Variants in ARB2A observed in about 807,000 individuals in gnomAD.
ARB2A encodes ARB2 cotranscriptional regulator A.
At chr5:93,911,327 C>T in the ARB2A span, among the ~76,000 whole-genome samples, 2 of 151,500 alleles carry the variant, frequency 1.3e-5, no homozygotes, top group African/African-American at 4.8e-5. Context: ...AGTAATATAT[C>T]GGAATACATT....
chr5:94,047,265 G>A, the ARB2A span, among the ~76,000 whole-genome samples: 1 of 152,186 alleles, frequency 6.6e-6, no homozygotes, highest in Non-Finnish European at 1.5e-5. Flanking sequence ...GCCAAGGTGG[G>A]CAGATCACCT....
At chr5:94,090,647 T>C in the ARB2A span, among the ~76,000 whole-genome samples, 24 of 152,224 alleles carry the variant, frequency 1.6e-4, no homozygotes, top group African/African-American at 5.8e-4. Flanking sequence ...TTCAGTATGA[T>C]ATTGGCTGTG....
the ARB2A span, among the ~76,000 whole-genome samples, chr5:93,729,236 C>T: frequency 1.3e-5 from 2 of 152,090 alleles, no homozygotes; most frequent in African/African-American, 4.8e-5. Context: ...TGTTGTTCCT[C>T]TGCCCATTCC....
At chr5:94,063,676 C>T in the ARB2A span, among the ~76,000 whole-genome samples, 1 of 152,080 alleles carries the variant, frequency 6.6e-6, no homozygotes, top group South Asian at 2.1e-4. Context: ...CCTGGTATCC[C>T]TGTCCCCAGC....
chr5:93,773,762 T>C, the ARB2A span, among the ~76,000 whole-genome samples: 4 of 152,146 alleles, frequency 2.6e-5, no homozygotes, highest in Non-Finnish European at 4.4e-5. Flanking sequence ...CCATATGTTA[T>C]GGTAATCTGT....
the ARB2A span, among the ~76,000 whole-genome samples, chr5:93,753,901 G>T: frequency 1.3e-5 from 2 of 152,058 alleles, no homozygotes; most frequent in Non-Finnish European, 2.9e-5. Context: ...GACACTTTAA[G>T]GTAGAGCCTT....
chr5:93,771,387 A>AG, the ARB2A span, among the ~76,000 whole-genome samples: 3 of 151,636 alleles, frequency 2.0e-5, no homozygotes, highest in African/African-American at 7.3e-5. Context: ...TTCAGGACAT[A>AG]GGCATGGGCA....
chr5:94,021,445 C>T, the ARB2A span, among the ~76,000 whole-genome samples: 12 of 152,164 alleles, frequency 7.9e-5, no homozygotes, highest in African/African-American at 2.7e-4. Context: ...AGCTGCCATA[C>T]TGTGACTAAC....
At chr5:93,754,345 C>T in the ARB2A span, among the ~76,000 whole-genome samples, 1 of 152,162 alleles carries the variant, frequency 6.6e-6, no homozygotes, top group East Asian at 1.9e-4. Context: ...TGTGTGGGAC[C>T]TTCATCTATT....
chr5:93,867,096 T>G, the ARB2A span, among the ~76,000 whole-genome samples: 2 of 152,206 alleles, frequency 1.3e-5, no homozygotes, highest in Non-Finnish European at 2.9e-5. Context: ...GATTTACTTA[T>G]CAGTGTAAAA....
the ARB2A span, among the ~76,000 whole-genome samples, chr5:93,665,823 G>A: frequency 4.0e-4 from 61 of 152,168 alleles, no homozygotes; most frequent in Admixed American, 7.9e-4. Flanking sequence ...TTATCTGCAT[G>A]TGTACTCTCC....
At chr5:93,661,554 CA>C in the ARB2A span, among the ~76,000 whole-genome samples, 1 of 152,008 alleles carries the variant, frequency 6.6e-6, no homozygotes, top group Non-Finnish European at 1.5e-5. Context: ...CATCACCTAT[CA>C]GGGGTGTCCA....
At chr5:93,857,226 G>T in the ARB2A span, among the ~76,000 whole-genome samples, 1 of 152,140 alleles carries the variant, frequency 6.6e-6, no homozygotes, top group South Asian at 2.1e-4. Context: ...CTGCTCGGGG[G>T]TCAGGAGTCA....
At chr5:94,001,604 T>C in the ARB2A span, among the ~76,000 whole-genome samples, 1 of 152,104 alleles carries the variant, frequency 6.6e-6, no homozygotes, top group Non-Finnish European at 1.5e-5. Flanking sequence ...AGTCCACTAA[T>C]ACACTGATAA....
chr5:94,052,756 C>T, the ARB2A span, among the ~76,000 whole-genome samples: 1 of 152,146 alleles, frequency 6.6e-6, no homozygotes, highest in Non-Finnish European at 1.5e-5. Flanking sequence ...ACACTTTATT[C>T]TAAATAACAT....
At chr5:93,688,474 C>T in the ARB2A span, among the ~76,000 whole-genome samples, 1 of 152,228 alleles carries the variant, frequency 6.6e-6, no homozygotes, top group Non-Finnish European at 1.5e-5. Context: ...TCATTCAGGT[C>T]TCTTTCATCT....
chr5:93,933,611 A>G, the ARB2A span, among the ~76,000 whole-genome samples: 2 of 152,030 alleles, frequency 1.3e-5, no homozygotes, highest in Non-Finnish European at 2.9e-5. Flanking sequence ...ATAAGAACAC[A>G]TGGACACAAG....
At chr5:93,857,045 C>G in the ARB2A span, among the ~76,000 whole-genome samples, 6 of 152,132 alleles carry the variant, frequency 3.9e-5, no homozygotes, top group Non-Finnish European at 4.4e-5. Flanking sequence ...GCTAGAGGTC[C>G]ACTCCAGACC....
the ARB2A span, among the ~76,000 whole-genome samples, chr5:94,005,025 A>T: frequency 9.1e-6 from 1 of 110,088 alleles, no homozygotes; most frequent in Non-Finnish European, 1.8e-5. Context: ...AAAAAAAAAA[A>T]AGAGAGAGGA....
Sources: allele counts gnomAD v4.1 joint callset (sites outside exome capture counted in the v4.1 genomes callset), GRCh38; gene constraint gnomAD v4.1.1; transcripts MANE v1.5; gene names NCBI Gene and HGNC (gene_info 2026-07-23, HGNC 2026-07-21).